SNX4: variants seen among roughly 807,000 people sequenced by gnomAD.
SNX4 encodes sorting nexin-4.
In SNX4, 49 loss-of-function variants were observed where a neutral mutation model predicts 70.8. That is an observed-to-expected ratio of 0.69 (90% CI 0.55 to 0.88). The LOEUF is 0.88. Ranked by LOEUF, SNX4 falls within the 40% of genes least tolerant of loss-of-function variation. The probability of loss-of-function intolerance (pLI) is 0.00; values close to 1 mark genes in which losing one functional copy is unlikely to be tolerated. For synonymous variants in SNX4, 206 were observed against 183.8 expected, an observed-to-expected ratio of 1.12 and a Z score of -0.98; for missense variants, 528 against 544.8, an observed-to-expected ratio of 0.97 and a Z score of 0.31.
At chr3:125,486,365 GA>G (rs1934533519) in intron 6 of SNX4, among the ~76,000 whole-genome samples, 2 of 150,852 alleles carry the variant, frequency 1.3e-5, no homozygotes, top group African/African-American at 4.9e-5. Flanking sequence ...AAGTTACATA[GA>G]TTTTTTTTTT....
In SNX4 at chr3:125,504,635, A is replaced by C; in HGVS notation, c.251T>G (p.Leu84Arg). 6.2e-7 allele frequency: 1 copy of C among 1,610,478 alleles called. No homozygotes were observed. Among genetic ancestry groups the C allele is most frequent in the Non-Finnish European group, 8.5e-7 (1 of 1,178,696 alleles). Reference sequence around the variant, plus strand: ...TTCTGTTACCCACCTTGTTTCAATGAGGTAAGCAGTATATGTTTCTTGCAT... The same window carrying C: ...TTCTGTTACCCACCTTGTTTCAATGCGGTAAGCAGTATATGTTTCTTGCAT... ...MNMQETYTAY[L>R]IETRSVEHTD... Residue 84 changes from leucine to arginine, a missense_variant, in exon 2 of 14, where the codon CTC (leucine) becomes CGC (arginine). Physicochemically the swap from Leu to Arg is moderately radical, Grantham distance 102. This residue lies in a region of SNX4 where 341 missense variants were observed against 312.2 expected (regional missense o/e 1.09). Transcript: ENST00000251775.
chr3:125,497,856 A>T lies in SNX4; in HGVS notation c.527T>A (p.Ile176Asn). ...ASHPILCRDK[I>N]FYLFLTQEGN... is the part of the protein sequence containing the mutation. ...TACCTGTGTTAAAAACAGATAGAAG[A>T]TTTTGTCTCTACAAAGGATGGGATG... The change falls in exon 4 of 14, where the codon ATC becomes AAC. Residue 176 changes from isoleucine to asparagine, a missense_variant. This residue lies in a region of SNX4 where 341 missense variants were observed against 312.2 expected (regional missense o/e 1.09). Transcript: ENST00000251775. 6 of 1,609,164 alleles carry T rather than the reference A, an allele frequency of 3.7e-6. No individual in the cohort carries two copies. The highest frequency in any genetic ancestry group is 5.1e-6 in the Non-Finnish European group (6 of 1,178,628).
intron 9 of SNX4, among the ~76,000 whole-genome samples, chr3:125,461,421 TAAAC>T (rs1341035538): frequency 1.3e-5 from 2 of 152,072 alleles, no homozygotes; most frequent in African/African-American, 2.4e-5. Context: ...GACTTAGAAA[TAAAC>T]AAACAAAAAA....
Position 125,453,860 on chromosome 3 carries a change from T to C in SNX4, c.1140A>G (p.Glu380=). 1 of 1,614,086 alleles carries C rather than the reference T, an allele frequency of 6.2e-7. No homozygotes were observed. The highest frequency in any genetic ancestry group is 1.3e-5 in the African/African-American group (1 of 75,070). Residue 380 remains glutamate (E), a synonymous_variant, in exon 12 of 14, where the codon GAA becomes GAG. Coordinates refer to ENST00000251775, the MANE Select transcript of SNX4 (RefSeq NM_003794.4). The part of the protein sequence containing the change: ...QREARIKVLE[E]QINEGEQQLK... ...GCTGTTGTTCTCCTTCATTTATTTG[T>C]TCTTCTAGCACCTTTATTCTGGCTT...
chr3:125,504,792 T>A, intron 1 of SNX4, 48 bp from the exon 2 acceptor site: 3 of 1,587,024 alleles, frequency 1.9e-6, no homozygotes, highest in Non-Finnish European at 2.6e-6. Context: ...ACCTTTAAGA[T>A]GGTACTGAAA....
chr3:125,486,129 G>A (rs898901074), intron 6 of SNX4, among the ~76,000 whole-genome samples: 2 of 152,100 alleles, frequency 1.3e-5, no homozygotes, highest in African/African-American at 2.4e-5. Flanking sequence ...GTAAGCCACC[G>A]CACCTGGCCT....
At chr3:125,465,485 G>A (rs1933988521) in intron 9 of SNX4, among the ~76,000 whole-genome samples, 3 of 151,988 alleles carry the variant, frequency 2.0e-5, no homozygotes, top group Admixed American at 2.0e-4. Context: ...CTGGTCTCAG[G>A]TGATTCACCC....
rs1361564406 is a variant in SNX4, at chr3:125,513,031, CAG to C, written c.141+6999_141+7000del. ...TGCTTCAGTTTCCTCATGTGGAAAACAGAGATAATAGTACCTGCAATAAATGG... is the reference window on the plus strand; with the variant it reads ...TGCTTCAGTTTCCTCATGTGGAAAACAGATAATAGTACCTGCAATAAATGG... On this transcript the variant is annotated intron_variant, in intron 1 of 13. Coordinates refer to ENST00000251775, the MANE Select transcript of SNX4 (RefSeq NM_003794.4). Among the ~76,000 whole-genome samples the C allele has an allele frequency of 2.0e-5, 3 of 152,128 alleles. No individual in the cohort carries two copies. The East Asian group carries it at 5.8e-4, about 29-fold the overall frequency.
chr3:125,477,928 G>C (rs1211438839), intron 7 of SNX4, among the ~76,000 whole-genome samples: 1 of 151,984 alleles, frequency 6.6e-6, no homozygotes, highest in Non-Finnish European at 1.5e-5. Context: ...CAAGATGCTG[G>C]CCCCTACATT....
At chr3:125,502,277 T>C (rs1934945037) in intron 2 of SNX4, among the ~76,000 whole-genome samples, 1 of 152,070 alleles carries the variant, frequency 6.6e-6, no homozygotes, top group African/African-American at 2.4e-5. Flanking sequence ...TGTCATGAAA[T>C]GACCTAAGTT....
intron 5 of SNX4, among the ~76,000 whole-genome samples, chr3:125,495,287 C>CAT (rs1300474485): frequency 4.7e-4 from 17 of 36,120 alleles, no homozygotes; most frequent in South Asian, 2.2e-3. Flanking sequence ...TACACATACA[C>CAT]ACACACACAC....
chr3:125,497,783 G>A, intron 4 of SNX4, 51 bp downstream of exon 4: 1 of 1,326,238 alleles, frequency 7.5e-7, no homozygotes, highest in Non-Finnish European at 1.0e-6. Context: ...ATTTTTTTAA[G>A]AAACCCAAAT....
In SNX4 at chr3:125,498,076, G is replaced by A. The variant is rs1934839744; in HGVS notation, c.382C>T (p.Pro128Ser). Residue 128 changes from proline (P) to serine (S), a missense_variant, in exon 3 of 14, where the codon CCT becomes TCT. Pro to Ser is a moderately conservative substitution (Grantham distance 74). Coordinates refer to ENST00000251775, the MANE Select transcript of SNX4 (RefSeq NM_003794.4). Reference sequence around the variant, plus strand: ...CTTCTTACCCGTTTTTCTGGCAGAGGTGGCACAACAATATGTGGATAGTAA... The same window carrying A: ...CTTCTTACCCGTTTTTCTGGCAGAGATGGCACAACAATATGTGGATAGTAA... Reference protein sequence around the residue: ...LVYYPHIVVPPLPEKRAEFVW... With the variant: ...LVYYPHIVVPSLPEKRAEFVW... 3.1e-6 allele frequency: 5 copies of A among 1,613,996 alleles called. No homozygotes were observed. The highest frequency in any genetic ancestry group is 1.1e-5 in the South Asian group (1 of 91,060).
intron 12 of SNX4, 86 bp downstream of exon 12, chr3:125,453,724 G>A (rs886971915): frequency 4.0e-5 from 51 of 1,283,904 alleles, no homozygotes; most frequent in Non-Finnish European, 5.4e-5. Context: ...GCTGGGAATT[G>A]TTACCAAAAT....
At chr3:125,492,290 T>G (rs1374270247) in intron 5 of SNX4, among the ~76,000 whole-genome samples, 3 of 152,170 alleles carry the variant, frequency 2.0e-5, no homozygotes, top group Non-Finnish European at 1.5e-5. Context: ...TTCCTCTTCC[T>G]TGGCCTCTGG....
intron 1 of SNX4, among the ~76,000 whole-genome samples, chr3:125,519,123 C>T (rs1245079084): frequency 1.3e-5 from 2 of 151,860 alleles, no homozygotes; most frequent in East Asian, 1.9e-4. Flanking sequence ...CCTGGGGGGT[C>T]GAGGGTGAAG....
At chr3:125,460,363 T>C (rs1933845205) in intron 10 of SNX4, among the ~76,000 whole-genome samples, 1 of 151,966 alleles carries the variant, frequency 6.6e-6, no homozygotes, top group African/African-American at 2.4e-5. Flanking sequence ...AAAGATAACA[T>C]AAGAACAGAT....
chr3:125,447,872 C>G (rs1933466426), intron 13 of SNX4, 46 bp from the exon 14 acceptor site: 1 of 1,334,738 alleles, frequency 7.5e-7, no homozygotes, highest in Non-Finnish European at 1.0e-6. Flanking sequence ...TGGAAGGAAT[C>G]TGAAAACCCA....
At chr3:125,510,579 T>C (rs1229860288) in intron 1 of SNX4, among the ~76,000 whole-genome samples, 1 of 152,146 alleles carries the variant, frequency 6.6e-6, no homozygotes, top group Admixed American at 6.5e-5. Context: ...ATACCATTCA[T>C]CCTTAAAAAG....
Sources: gnomAD v4.1 joint callset for allele counts (sites outside exome capture counted in the v4.1 genomes callset) on GRCh38, gnomAD v4.1.1 for gene constraint, gnomAD v4.1.1 regional missense constraint, MANE v1.5 for transcripts, NCBI Gene and HGNC (gene_info 2026-07-23, HGNC 2026-07-21) for gene names.